The following CAB39L variants were observed in gnomAD, a reference collection of about 807,000 sequenced individuals.
CAB39L encodes calcium binding protein 39 like, also known as calcium-binding protein 39-like.
In CAB39L, 23 loss-of-function variants were observed where a neutral mutation model predicts 39.1. The observed-to-expected ratio is 0.59, with a 90% CI of 0.42 to 0.83. The LOEUF (loss-of-function observed/expected upper bound fraction) is 0.83. Ranked by LOEUF, CAB39L falls within the 40% of genes least tolerant of loss-of-function variation. The pLI, the probability that CAB39L is intolerant of heterozygous loss-of-function variation, is 0.00. For missense variants in CAB39L, 366 were observed against 391.9 expected (o/e 0.93, Z 0.56); for synonymous variants, 126 against 137.2 (o/e 0.92, Z 0.57).
rs901623937 is a variant in CAB39L at position 49,422,364 on chromosome 13, G to T, written c.-32+10954C>A. On this transcript the variant is annotated intron_variant, in intron 3 of 10. Transcript: ENST00000409308. ...CAGGTGAGTGGATCACTTGAGGCTAGGAGTTCAAGACCAGCCTGGCCAACA... is the reference window on the plus strand; with the variant it reads ...CAGGTGAGTGGATCACTTGAGGCTATGAGTTCAAGACCAGCCTGGCCAACA... Among the ~76,000 whole-genome samples the T allele has an allele frequency of 3.9e-5, 6 of 152,312 alleles. No homozygotes were observed. In the East Asian group the frequency reaches 1.2e-3, roughly 29 times the overall value.
intron 3 of CAB39L, among the ~76,000 whole-genome samples, chr13:49,431,770 T>C (rs1957329542): frequency 6.6e-6 from 1 of 151,974 alleles, no homozygotes. Flanking sequence ...TACCTACCAT[T>C]CCATTCCCAG....
At chr13:49,394,399 G>C (rs1474917689) in intron 3 of CAB39L, among the ~76,000 whole-genome samples, 2 of 151,966 alleles carry the variant, frequency 1.3e-5, no homozygotes, top group African/African-American at 4.8e-5. Context: ...CAATTCTATT[G>C]ATGGTATTTT....
intron 10 of CAB39L, among the ~76,000 whole-genome samples, chr13:49,330,673 ATTTT>A (rs1226973944): frequency 1.3e-5 from 2 of 149,888 alleles, no homozygotes; most frequent in South Asian, 2.1e-4. Context: ...AAAAATATTT[ATTTT>A]TTTATTTATT....
chr13:49,431,786 C>T (rs559769802), intron 3 of CAB39L, among the ~76,000 whole-genome samples: 170 of 152,026 alleles, frequency 1.1e-3, no homozygotes, highest in Non-Finnish European at 7.9e-4. Flanking sequence ...CCCAGGAATT[C>T]ACTCAAAAGA....
rs992415780 is a variant in CAB39L, at chr13:49,409,030, G to A, written c.-32+24288C>T. On this transcript the variant is annotated intron_variant, in intron 3 of 10. Transcript: ENST00000409308. ...CAAAGCAAAGGTATTAGTGGGAAAG[G>A]GGCCTTTAGAGAACCACTTGGCCCA... Among the ~76,000 whole-genome samples the A allele has an allele frequency of 2.6e-5, 4 of 152,148 alleles. No homozygotes were observed. The South Asian group carries it at 6.2e-4, about 24-fold the overall frequency.
intron 3 of CAB39L, among the ~76,000 whole-genome samples, chr13:49,397,005 C>A (rs1035523793): frequency 6.6e-6 from 1 of 152,004 alleles, no homozygotes; most frequent in African/African-American, 2.4e-5. Flanking sequence ...GACTCTCCCC[C>A]AAAAAACATA....
chr13:49,428,453 T>C (rs1173580813), intron 3 of CAB39L, among the ~76,000 whole-genome samples: 1 of 152,214 alleles, frequency 6.6e-6, no homozygotes, highest in East Asian at 1.9e-4. Flanking sequence ...CTGTTTTTTA[T>C]TGGTCACACA....
At chr13:49,376,825 G>T (rs1956072789) in intron 5 of CAB39L, 142 bp downstream of exon 5, 1 of 629,218 alleles carries the variant, frequency 1.6e-6, no homozygotes, top group African/African-American at 1.9e-5. Context: ...ATTAATTGTA[G>T]ACATTTTAGA....
chr13:49,350,638 C>T, intron 7 of CAB39L, 106 bp downstream of exon 7: 2 of 742,692 alleles, frequency 2.7e-6, no homozygotes, highest in East Asian at 5.2e-5. Flanking sequence ...TGGTTGGCTA[C>T]ACTGAGGCCT....
intron 6 of CAB39L, among the ~76,000 whole-genome samples, chr13:49,351,400 G>A (rs1042108570): frequency 6.6e-6 from 1 of 151,990 alleles, no homozygotes; most frequent in African/African-American, 2.4e-5. Context: ...GAACAGGCTT[G>A]GCGAAACAGA....
chr13:49,322,689 T>C (rs1424748892), intron 10 of CAB39L, among the ~76,000 whole-genome samples: 2 of 152,242 alleles, frequency 1.3e-5, no homozygotes. Context: ...GTAGAAAGAA[T>C]AGACTCTTGT....
intron 10 of CAB39L, among the ~76,000 whole-genome samples, chr13:49,315,856 G>A (rs1954141648): frequency 6.9e-6 from 1 of 144,400 alleles, no homozygotes; most frequent in South Asian, 2.2e-4. Flanking sequence ...CGGCACTCCA[G>A]CCTGGGCAAC....
chr13:49,345,710 A>T (rs1593954978), intron 7 of CAB39L, among the ~76,000 whole-genome samples: 1 of 152,032 alleles, frequency 6.6e-6, no homozygotes, highest in South Asian at 2.1e-4. Flanking sequence ...TCTGAGCTGA[A>T]CCAGGGCAGA....
chr13:49,343,386 C>T (rs1460827094), intron 8 of CAB39L, among the ~76,000 whole-genome samples: 2 of 152,210 alleles, frequency 1.3e-5, no homozygotes, highest in African/African-American at 4.8e-5. Flanking sequence ...GGTGTAGTAA[C>T]TTGCCCAGGG....
chr13:49,316,853 A>G (rs1204014715), intron 10 of CAB39L, among the ~76,000 whole-genome samples: 3 of 152,192 alleles, frequency 2.0e-5, no homozygotes, highest in Non-Finnish European at 4.4e-5. Flanking sequence ...CTTTACTCCA[A>G]TGACTGGTGA....
At chr13:49,409,450 T>TA (rs34396787) in intron 3 of CAB39L, among the ~76,000 whole-genome samples, 39,879 of 143,290 alleles carry the variant, frequency 0.28, 5,477 homozygotes, top group South Asian at 0.41. Flanking sequence ...TTGTTTGCTT[T>TA]AAAAAAAAAA....
At chr13:49,376,920 T>TAGATAGATAGATAGATAGAG in intron 5 of CAB39L, 47 bp downstream of exon 5, 1 of 1,440,576 alleles carries the variant, frequency 6.9e-7, no homozygotes, top group Non-Finnish European at 9.5e-7. Flanking sequence ...GATAGATAGA[T>TAGATAGATAGATAGATAGAG]ATTAAAATTG....
chr13:49,426,520 G>T (rs972881382), intron 3 of CAB39L, among the ~76,000 whole-genome samples: 7 of 152,060 alleles, frequency 4.6e-5, no homozygotes, highest in Non-Finnish European at 1.0e-4. Context: ...TCCGCCTCCC[G>T]GGTTCAAGCC....
intron 9 of CAB39L, among the ~76,000 whole-genome samples, chr13:49,339,367 G>C (rs1462360638): frequency 1.3e-5 from 2 of 152,082 alleles, no homozygotes; most frequent in Non-Finnish European, 2.9e-5. Flanking sequence ...CTGACCTCAG[G>C]TGATCCGCCC....
Sources: allele counts gnomAD v4.1 joint callset (sites outside exome capture counted in the v4.1 genomes callset), GRCh38; gene constraint gnomAD v4.1.1; transcripts MANE v1.5; gene names NCBI Gene and HGNC (gene_info 2026-07-23, HGNC 2026-07-21).